LRP1B: variants seen among roughly 807,000 people sequenced by gnomAD.
LRP1B encodes the protein low-density lipoprotein receptor-related protein 1B.
In LRP1B, 217 loss-of-function variants were observed where a neutral mutation model predicts 556.6. That is an observed-to-expected ratio of 0.39 (90% confidence interval 0.35 to 0.44). LRP1B has a LOEUF of 0.44. LRP1B is among the 20% of genes least tolerant of loss of function. The pLI is 1.00. For synonymous variants in LRP1B, 2,047 were observed against 1,865.8 expected, an observed-to-expected ratio of 1.10 and a Z score of -2.50; for missense variants, 5,053 against 5,620.8, an observed-to-expected ratio of 0.90 and a Z score of 3.23.
chr2:141,701,998 C>T (rs1691955287), intron 2 of LRP1B, among the ~76,000 whole-genome samples: 1 of 151,872 alleles, frequency 6.6e-6, no homozygotes, highest in East Asian at 1.9e-4. Context: ...TATTTATTTT[C>T]AAACCAAATG....
At chr2:141,594,935 A>G (rs542948948) in intron 2 of LRP1B, among the ~76,000 whole-genome samples, 11 of 152,214 alleles carry the variant, frequency 7.2e-5, no homozygotes, top group African/African-American at 2.6e-4. Flanking sequence ...GAAGTTTATG[A>G]ACTATGAGAG....
intron 32 of LRP1B, among the ~76,000 whole-genome samples, chr2:140,783,911 T>C (rs576628920): frequency 2.6e-5 from 4 of 152,306 alleles, no homozygotes; most frequent in Admixed American, 2.6e-4. Context: ...TGAATTAGAA[T>C]TACCTGGAGA....
chr2:141,115,349 C>T (rs1269124975), intron 7 of LRP1B, among the ~76,000 whole-genome samples: 3 of 152,098 alleles, frequency 2.0e-5, no homozygotes, highest in Non-Finnish European at 4.4e-5. Context: ...CCAGATAATA[C>T]CCTGGACACT....
chr2:141,775,738 CCTTTTAAT>C (rs1329020975), intron 2 of LRP1B, among the ~76,000 whole-genome samples: 2 of 151,876 alleles, frequency 1.3e-5, no homozygotes, highest in Non-Finnish European at 2.9e-5. Context: ...ACATAATTGT[CCTTTTAAT>C]TATTCTAAAA....
chr2:141,613,594 C>A (rs1688185921), intron 2 of LRP1B, among the ~76,000 whole-genome samples: 1 of 152,264 alleles, frequency 6.6e-6, no homozygotes, highest in South Asian at 2.1e-4. Context: ...TCAACTTGGA[C>A]ACTTTACATT....
At chr2:141,728,538 A>G (rs775979569) in intron 2 of LRP1B, among the ~76,000 whole-genome samples, 2 of 152,170 alleles carry the variant, frequency 1.3e-5, no homozygotes, top group Admixed American at 6.5e-5. Flanking sequence ...CTGTTGCTGT[A>G]AAGTTACAAA....
chr2:141,145,357 A>C (rs1292027252), intron 7 of LRP1B, among the ~76,000 whole-genome samples: 3 of 151,600 alleles, frequency 2.0e-5, no homozygotes, highest in African/African-American at 7.3e-5. Context: ...ACTTCTCTGA[A>C]AAGTTTATCA....
intron 82 of LRP1B, among the ~76,000 whole-genome samples, chr2:140,321,693 A>T (rs1680142557): frequency 6.6e-6 from 1 of 152,030 alleles, no homozygotes; most frequent in African/African-American, 2.4e-5. Flanking sequence ...TTATAAAAAA[A>T]ATCTCTTTTG....
rs577467001 is a variant in LRP1B, at chr2:140,962,889, A to C, written c.2888-10949T>G. Reference sequence around the variant, plus strand: ...AGAGAGAAAATGCTGCTATGGCTACACAGCAAATTTTAGCTCATGTCTGAG... The same window carrying C: ...AGAGAGAAAATGCTGCTATGGCTACCCAGCAAATTTTAGCTCATGTCTGAG... On this transcript the variant is annotated intron_variant, in intron 18 of 90. Transcript: ENST00000389484. Among the ~76,000 whole-genome samples, 7 of 152,314 alleles carry C rather than the reference A, an allele frequency of 4.6e-5. No individual in the cohort carries two copies. The South Asian group carries it at 1.4e-3, about 32-fold the overall frequency.
intron 32 of LRP1B, among the ~76,000 whole-genome samples, chr2:140,804,506 C>A (rs898192591): frequency 6.6e-6 from 1 of 151,850 alleles, no homozygotes; most frequent in Non-Finnish European, 1.5e-5. Flanking sequence ...GCAAGTTGAG[C>A]ACTTAGATTT....
chr2:141,144,192 T>C (rs1701725726), intron 7 of LRP1B, among the ~76,000 whole-genome samples: 1 of 152,140 alleles, frequency 6.6e-6, no homozygotes, highest in African/African-American at 2.4e-5. Flanking sequence ...TACCTTAGAG[T>C]TAATAGTATT....
chr2:140,883,570 A>G (rs530439453), intron 25 of LRP1B, among the ~76,000 whole-genome samples: 1 of 151,944 alleles, frequency 6.6e-6, no homozygotes, highest in Non-Finnish European at 1.5e-5. Context: ...AAAAAAAAAA[A>G]AAGACATTTT....
intron 2 of LRP1B, among the ~76,000 whole-genome samples, chr2:141,635,047 A>AACGCAC (rs1553439070): frequency 1.3e-5 from 2 of 149,924 alleles, no homozygotes; most frequent in Non-Finnish European, 1.5e-5. Context: ...ACTATAGTGA[A>AACGCAC]ACACACACAC....
chr2:141,965,612 G>T (rs1392415689), intron 1 of LRP1B, among the ~76,000 whole-genome samples: 3 of 94,734 alleles, frequency 3.2e-5, no homozygotes, highest in African/African-American at 1.2e-4. Flanking sequence ...GGGGGGAGGG[G>T]GGAGGGATAG....
intron 20 of LRP1B, among the ~76,000 whole-genome samples, chr2:140,945,644 T>C (rs2103181): frequency 0.96 from 146,071 of 152,222 alleles, 70,373 homozygotes; most frequent in East Asian, 1. Flanking sequence ...GTTGGGAGCA[T>C]TGGCTAACCA....
At chr2:140,649,364 T>G (rs1684595468) in intron 41 of LRP1B, among the ~76,000 whole-genome samples, 1 of 152,180 alleles carries the variant, frequency 6.6e-6, no homozygotes, top group Admixed American at 6.5e-5. Flanking sequence ...ACTATTATGC[T>G]TTATCTGGAT....
intron 27 of LRP1B, among the ~76,000 whole-genome samples, chr2:140,863,703 A>C (rs768287600): frequency 6.6e-6 from 1 of 152,166 alleles, no homozygotes; most frequent in Non-Finnish European, 1.5e-5. Context: ...ACATGAGGGA[A>C]GAATTAAACT....
chr2:141,973,389 G>A (rs1701799140), intron 1 of LRP1B, among the ~76,000 whole-genome samples: 1 of 151,618 alleles, frequency 6.6e-6, no homozygotes, highest in Non-Finnish European at 1.5e-5. Flanking sequence ...AGATTTTTTA[G>A]GATTTGATTT....
intron 3 of LRP1B, among the ~76,000 whole-genome samples, chr2:141,444,413 A>C (rs1681101219): frequency 6.6e-6 from 1 of 151,792 alleles, no homozygotes; most frequent in African/African-American, 2.4e-5. Flanking sequence ...CTATTTGAAT[A>C]CGCTTTCTTT....
Sources: allele counts gnomAD v4.1 joint callset (sites outside exome capture counted in the v4.1 genomes callset), GRCh38; gene constraint gnomAD v4.1.1; transcripts MANE v1.5; gene names NCBI Gene and HGNC (gene_info 2026-07-23, HGNC 2026-07-21).